The following NPAS3 variants were observed in gnomAD, a reference collection of about 807,000 sequenced individuals.
The protein encoded by NPAS3 is neuronal PAS domain-containing protein 3.
In NPAS3, 14 loss-of-function variants were observed where a neutral mutation model predicts 73.1. The observed-to-expected ratio is 0.19, with a 90% CI of 0.13 to 0.30. The LOEUF (loss-of-function observed/expected upper bound fraction) is 0.30, where lower values mean the gene tolerates loss of function less well. Ranked by LOEUF, NPAS3 falls within the 10% of genes least tolerant of loss-of-function variation. The probability of loss-of-function intolerance (pLI) is 1.00; values close to 1 mark genes in which losing one functional copy is unlikely to be tolerated. For synonymous variants in NPAS3, 620 were observed against 541.5 expected (o/e 1.14, Z -2.01); for missense variants, 1,096 against 1,250.0 (o/e 0.88, Z 1.86).
chr14:33,076,883 G>A (rs2041677226), intron 2 of NPAS3, among the ~76,000 whole-genome samples: 2 of 152,012 alleles, frequency 1.3e-5, no homozygotes, highest in Admixed American at 1.3e-4. Flanking sequence ...AACTATTTTT[G>A]GTGTGTGATA....
At chr14:33,609,450 C>A (rs952278801) in intron 5 of NPAS3, among the ~76,000 whole-genome samples, 3 of 152,104 alleles carry the variant, frequency 2.0e-5, no homozygotes, top group Non-Finnish European at 4.4e-5. Context: ...TGGGTTATTC[C>A]CTTTTTCCTT....
At chr14:33,080,958 G>A (rs34296567) in intron 2 of NPAS3, among the ~76,000 whole-genome samples, 8,189 of 152,244 alleles carry the variant, frequency 0.054, 276 homozygotes, top group Middle Eastern at 0.11. Context: ...CCCAGAGGCC[G>A]TTTGTTAATA....
intron 4 of NPAS3, among the ~76,000 whole-genome samples, chr14:33,473,416 G>A (rs763103552): frequency 3.3e-5 from 5 of 152,146 alleles, no homozygotes; most frequent in Admixed American, 6.6e-5. Context: ...TTCAGAGAAT[G>A]CGGATCACCT....
chr14:33,598,157 C>T (rs969480325), intron 5 of NPAS3, among the ~76,000 whole-genome samples: 1 of 152,204 alleles, frequency 6.6e-6, no homozygotes, highest in African/African-American at 2.4e-5. Flanking sequence ...CAGGAGTCTT[C>T]CTATGAGGCT....
At chr14:33,784,745 A>ATTTTTTTTTTTTTTTTT (rs1226491375) in intron 9 of NPAS3, among the ~76,000 whole-genome samples, 10 of 73,854 alleles carry the variant, frequency 1.4e-4, no homozygotes, top group East Asian at 4.6e-4. Flanking sequence ...TTATTTATTT[A>ATTTTTTTTTTTTTTTTT]TTTTTTTTTT....
intron 5 of NPAS3, among the ~76,000 whole-genome samples, chr14:33,609,325 T>C (rs1044185606): frequency 2.0e-5 from 3 of 152,196 alleles, no homozygotes; most frequent in Non-Finnish European, 4.4e-5. Flanking sequence ...AAAATGTTGT[T>C]GGTGTTCTGA....
chr14:33,002,045 G>A (rs2038826665), intron 1 of NPAS3, among the ~76,000 whole-genome samples: 1 of 152,160 alleles, frequency 6.6e-6, no homozygotes, highest in African/African-American at 2.4e-5. Context: ...GCAAGTCTCA[G>A]CTCATGTCAT....
chr14:33,367,849 A>C lies in NPAS3; in HGVS notation c.468+581A>C, dbSNP rs114203024. Among the ~76,000 whole-genome samples, 383 of 152,294 alleles carry C rather than the reference A, an allele frequency of 2.5e-3. 2 individuals carry two copies. The highest frequency in any genetic ancestry group is 8.6e-3 in the African/African-American group (358 of 41,568). ...GAACTTCATGAAAAATAAATGTTAAAGGTCACTAGGATGAAACTGTAGTTA... is the reference window on the plus strand; with the variant it reads ...GAACTTCATGAAAAATAAATGTTAACGGTCACTAGGATGAAACTGTAGTTA... On this transcript the variant is annotated intron_variant, in intron 4 of 11. Coordinates refer to ENST00000356141, the Ensembl canonical transcript of NPAS3.
intron 1 of NPAS3, among the ~76,000 whole-genome samples, chr14:32,999,054 G>T (rs1032989027): frequency 1.3e-5 from 2 of 152,100 alleles, no homozygotes; most frequent in Non-Finnish European, 2.9e-5. Context: ...AACATAGTGG[G>T]TACTCAAAAT....
In NPAS3 at chr14:33,403,391, GTACAA is replaced by G. The variant is rs578227830; in HGVS notation, c.468+36128_468+36132del. On this transcript the variant is annotated intron_variant, in intron 4 of 11. Transcript: ENST00000356141. ...TCTAGGCCTAAGAAAAAATGCAATAGTACAATACATCACTGATACAACAGTCTGAT... is the reference window on the plus strand; with the variant it reads ...TCTAGGCCTAAGAAAAAATGCAATAGTACATCACTGATACAACAGTCTGAT... Among the ~76,000 whole-genome samples the G allele has an allele frequency of 3.9e-4, 59 of 152,074 alleles. 1 individual carries two copies. Among genetic ancestry groups the G allele is most frequent in the African/African-American group, 1.2e-3 (51 of 41,498 alleles).
chr14:33,434,060 C>A (rs147966402), intron 4 of NPAS3, among the ~76,000 whole-genome samples: 186 of 152,114 alleles, frequency 1.2e-3, no homozygotes, highest in African/African-American at 4.2e-3. Context: ...GGCGTGGTGG[C>A]AGGCGCCTGT....
intron 4 of NPAS3, among the ~76,000 whole-genome samples, chr14:33,543,322 G>T (rs1284441185): frequency 1.3e-5 from 2 of 152,198 alleles, no homozygotes; most frequent in East Asian, 1.9e-4. Flanking sequence ...CTGCTAGTAT[G>T]TTTAAGTAGA....
Position 33,679,663 on chromosome 14 carries a change from G to T in NPAS3, c.733+3278G>T, listed in dbSNP as rs1447107290. 2.0e-5 allele frequency among the ~76,000 whole-genome samples: 3 copies of T among 152,294 alleles called. No individual in the cohort carries two copies. The South Asian group carries it at 6.2e-4, about 32-fold the overall frequency. On this transcript the variant is annotated intron_variant, in intron 6 of 11. Coordinates refer to ENST00000356141, the Ensembl canonical transcript of NPAS3. ...TTTTTCAGAAGCCCTGATGTGTTCA[G>T]TGTAGCATTACTAAATGACTGGAAT... is the stretch of plus-strand genomic sequence containing the variant.
chr14:33,417,019 G>T (rs2048174256), intron 4 of NPAS3, among the ~76,000 whole-genome samples: 1 of 151,930 alleles, frequency 6.6e-6, no homozygotes, highest in Non-Finnish European at 1.5e-5. Flanking sequence ...ATATTTATAT[G>T]ATTCTTATTA....
intron 7 of NPAS3, 122 bp downstream of exon 7, chr14:33,735,454 G>A: frequency 1.4e-6 from 1 of 711,250 alleles, no homozygotes; most frequent in East Asian, 2.5e-5. Flanking sequence ...GAGCCCATAG[G>A]ATTCCCAGTC....
At chr14:33,362,206 G>A (rs1415692653) in intron 3 of NPAS3, among the ~76,000 whole-genome samples, 1 of 152,050 alleles carries the variant, frequency 6.6e-6, no homozygotes, top group East Asian at 1.9e-4. Flanking sequence ...CAGTGTCTAA[G>A]CCATGCACAG....
intron 5 of NPAS3, among the ~76,000 whole-genome samples, chr14:33,653,124 C>T (rs924882927): frequency 2.6e-5 from 4 of 152,194 alleles, no homozygotes; most frequent in Admixed American, 6.5e-5. Context: ...TGTCTCTTAT[C>T]GTGAGCCACC....
chr14:33,630,936 G>A (rs1275490181), intron 5 of NPAS3, among the ~76,000 whole-genome samples: 2 of 152,164 alleles, frequency 1.3e-5, no homozygotes, highest in African/African-American at 2.4e-5. Context: ...GAAGATAAGC[G>A]AAGCCAGCTA....
At chr14:33,697,907 T>C (rs1447863252) in intron 6 of NPAS3, among the ~76,000 whole-genome samples, 2 of 152,246 alleles carry the variant, frequency 1.3e-5, no homozygotes, top group East Asian at 3.8e-4. Flanking sequence ...TCAATGTGTC[T>C]TTCTCTCAAA....
Sources: gnomAD v4.1 joint callset for allele counts (sites outside exome capture counted in the v4.1 genomes callset) on GRCh38, gnomAD v4.1.1 for gene constraint, MANE v1.5 for transcripts, NCBI Gene and HGNC (gene_info 2026-07-23, HGNC 2026-07-21) for gene names.